RNF17: variants seen among roughly 807,000 people sequenced by gnomAD.
The protein encoded by RNF17 is ring finger protein 17, also known as spermatogenesis associated 23.
Under a neutral mutation model 200.5 loss-of-function variants are expected in RNF17, and 31 were observed. The ratio of observed to expected loss-of-function variants is 0.15; its 90% confidence interval spans 0.12 to 0.21. RNF17 has a LOEUF of 0.21. Ranked by LOEUF, RNF17 falls within the 10% of genes least tolerant of loss-of-function variation. The pLI is 1.00. For missense variants in RNF17, 1,628 were observed against 1,905.1 expected (o/e 0.85, Z 2.71); for synonymous variants, 606 against 637.8 (o/e 0.95, Z 0.75).
chr13:24,768,034 C>T (rs1344579175), intron 2 of RNF17, among the ~76,000 whole-genome samples: 1 of 152,130 alleles, frequency 6.6e-6, no homozygotes, highest in Admixed American at 6.6e-5. Flanking sequence ...AACTCCCCCC[C>T]TGCCCCTCAA....
At position 24,830,558 on chromosome 13, in the gene RNF17, G is replaced by C. The variant is rs148441819; in HGVS notation, c.2320G>C (p.Val774Leu). ...TACTGCAAAAATAACAATCAAAGAC[G>C]TGCGTAAAATAAAGGATGAGTTTCT... ...GNTAKITIKD[V>L]RKIKDEFLNA... Residue 774 changes from valine (V) to leucine (L), a missense_variant, in exon 17 of 36, where the codon GTG becomes CTG. Physicochemically the swap from Val to Leu is conservative, Grantham distance 32 (BLOSUM62 1). Around this residue, in one of 5 missense-constraint regions of RNF17, gnomAD observed 227 missense variants for 319.8 expected, o/e 0.71. Coordinates refer to ENST00000255324, the MANE Select transcript of RNF17 (RefSeq NM_031277.3). 6 of 1,611,436 alleles carry C rather than the reference G, an allele frequency of 3.7e-6. No individual in the cohort carries two copies. The African/African-American group carries it at 6.7e-5, about 18-fold the overall frequency.
At chr13:24,766,095 T>C (rs2137868546) in intron 1 of RNF17, among the ~76,000 whole-genome samples, 1 of 152,324 alleles carries the variant, frequency 6.6e-6, no homozygotes, top group Middle Eastern at 3.4e-3. Context: ...CTAGGCGTGC[T>C]GACGCACACC....
chr13:24,880,080 G>A (rs543994032), downstream of RNF17, among the ~76,000 whole-genome samples: 282 of 152,266 alleles, frequency 1.9e-3, no homozygotes, highest in African/African-American at 6.6e-3. Flanking sequence ...AAGTGTATTA[G>A]TCTCTTCTTA....
chr13:24,779,451 A>G (rs1882053850), intron 4 of RNF17, among the ~76,000 whole-genome samples: 1 of 152,168 alleles, frequency 6.6e-6, no homozygotes, highest in Non-Finnish European at 1.5e-5. Context: ...AAAATCTGGA[A>G]TGGTCTAACT....
At chr13:24,841,190 T>C (rs905075955) in intron 18 of RNF17, among the ~76,000 whole-genome samples, 2 of 152,204 alleles carry the variant, frequency 1.3e-5, no homozygotes, top group African/African-American at 4.8e-5. Context: ...CCAGTCTAGT[T>C]TAAGAAATAG....
intron 15 of RNF17, among the ~76,000 whole-genome samples, chr13:24,820,553 A>G (rs1185461660): frequency 1.3e-5 from 2 of 152,042 alleles, no homozygotes; most frequent in Non-Finnish European, 2.9e-5. Flanking sequence ...CTTCTGCGTC[A>G]GCCTCTTGAG....
chr13:24,885,463 A>C, the RNF17 span: 3 of 1,191,938 alleles, frequency 2.5e-6, no homozygotes, highest in Non-Finnish European at 3.8e-6. Context: ...GGGTTCTAGG[A>C]CTAGTGTTTA....
chr13:24,752,472 C>A, the RNF17 span, among the ~76,000 whole-genome samples: 1 of 152,240 alleles, frequency 6.6e-6, no homozygotes, highest in African/African-American at 2.4e-5. Context: ...AGAAAATGAG[C>A]CTGGTGGAGC....
chr13:24,843,537 G>T (rs890369997), intron 19 of RNF17, among the ~76,000 whole-genome samples: 7 of 151,740 alleles, frequency 4.6e-5, no homozygotes, highest in East Asian at 1.9e-4. Flanking sequence ...AATTTTTTTT[G>T]GATTGAATCT....
Position 24,864,954 on chromosome 13 carries a change from T to C in RNF17, c.4057T>C (p.Tyr1353His), listed in dbSNP as rs1893466963. 1 of 1,566,826 alleles carries C rather than the reference T, an allele frequency of 6.4e-7. No homozygotes were observed. The highest frequency in any genetic ancestry group is 8.7e-7 in the Non-Finnish European group (1 of 1,151,268). Residue 1353 changes from tyrosine to histidine, a missense_variant, in exon 29 of 36, where the codon TAT (tyrosine) becomes CAT (histidine). Around this residue, in one of 5 missense-constraint regions of RNF17, gnomAD observed 609 missense variants for 681.9 expected, o/e 0.89. Coordinates refer to ENST00000255324, the MANE Select transcript of RNF17 (RefSeq NM_031277.3). ...GMSLSYFMAY[Y>H]KYCTSEHTEE... is the part of the protein sequence containing the mutation. ...GTCACTTTCTTATTTTATGGCATACTATAAATACTGTACTTCTGAACATAC... is the reference window on the plus strand; with the variant it reads ...GTCACTTTCTTATTTTATGGCATACCATAAATACTGTACTTCTGAACATAC...
chr13:24,804,802 G>A (rs1885654892), intron 15 of RNF17, among the ~76,000 whole-genome samples: 1 of 152,152 alleles, frequency 6.6e-6, no homozygotes, highest in South Asian at 2.1e-4. Flanking sequence ...AATAGACACA[G>A]ATTAAAGGCA....
intron 10 of RNF17, 125 bp downstream of exon 10, chr13:24,793,471 A>T: frequency 1.1e-6 from 1 of 886,720 alleles, no homozygotes; most frequent in South Asian, 1.9e-5. Context: ...CCTCATTATG[A>T]GTTAAAACCT....
chr13:24,852,207 C>T (rs1021965368), intron 24 of RNF17, among the ~76,000 whole-genome samples: 3 of 149,702 alleles, frequency 2.0e-5, no homozygotes, highest in Non-Finnish European at 4.4e-5. Context: ...GGCGCAATCT[C>T]GGCTCACTGC....
At chr13:24,865,054 GT>G in intron 29 of RNF17, 56 bp downstream of exon 29, 1 of 1,266,720 alleles carries the variant, frequency 7.9e-7, no homozygotes, top group East Asian at 2.4e-5. Context: ...TAGTTAAAAT[GT>G]CACATTTTGT....
At chr13:24,797,868 T>C (rs1266329890) in intron 11 of RNF17, among the ~76,000 whole-genome samples, 1 of 152,020 alleles carries the variant, frequency 6.6e-6, no homozygotes, top group African/African-American at 2.4e-5. Flanking sequence ...AATAAATAAA[T>C]ATATATTATC....
At chr13:24,793,917 C>T (rs7997439) in intron 10 of RNF17, among the ~76,000 whole-genome samples, 29,839 of 152,070 alleles carry the variant, frequency 0.2, 3,188 homozygotes, top group South Asian at 0.32. Context: ...TTCCCCTACC[C>T]GTTGTCTATT....
chr13:24,883,230 G>C, downstream of RNF17: 1 of 1,613,928 alleles, frequency 6.2e-7, no homozygotes, highest in South Asian at 1.1e-5. Context: ...ACTCTTATCC[G>C]ACCGGATCTG....
chr13:24,844,525 A>C, intron 20 of RNF17, 127 bp from the exon 21 acceptor site: 1 of 744,884 alleles, frequency 1.3e-6, no homozygotes. Context: ...ACACTTGTAC[A>C]TTCAAGGAAG....
Position 24,859,051 on chromosome 13 carries a change from C to G in RNF17, c.3661C>G (p.Leu1221Val). 6.2e-7 allele frequency: 1 copy of G among 1,603,952 alleles called. No individual in the cohort carries two copies. The highest frequency in any genetic ancestry group is 8.5e-7 in the Non-Finnish European group (1 of 1,171,910). ...TNEIQSNLKC[L>V]GLLEPYFWKK... The stretch of plus-strand genomic sequence containing the variant: ...TGAAATTCAAAGTAATTTAAAATGC[C>G]TTGGTCTTTTGGAGCCTTATTTCTG... The change falls in exon 26 of 36, where the codon CTT becomes GTT. Residue 1221 changes from leucine (L) to valine (V), a missense_variant. This residue lies in a region of RNF17 where 609 missense variants were observed against 681.9 expected (regional missense o/e 0.89). Coordinates refer to ENST00000255324, the MANE Select transcript of RNF17 (RefSeq NM_031277.3).
Sources: allele counts gnomAD v4.1 joint callset (sites outside exome capture counted in the v4.1 genomes callset), GRCh38; gene constraint gnomAD v4.1.1; regional missense constraint gnomAD v4.1.1; transcripts MANE v1.5; gene names NCBI Gene and HGNC (gene_info 2026-07-23, HGNC 2026-07-21).